Variants in SERPINC1 observed in about 807,000 individuals in gnomAD.
SERPINC1 encodes the protein serpin family C member 1, also known as antithrombin-III.
SERPINC1 carries 12 observed loss-of-function variants against 43.4 expected under a neutral mutation model. The ratio of observed to expected loss-of-function variants is 0.28; its 90% CI spans 0.18 to 0.45. The LOEUF is 0.45. Ranked by LOEUF, SERPINC1 falls within the 20% of genes least tolerant of loss-of-function variation. SERPINC1 has a pLI of 1.00. For synonymous variants in SERPINC1, 210 were observed against 218.9 expected (o/e 0.96, Z 0.36); for missense variants, 423 against 578.8 (o/e 0.73, Z 2.76).
At chr1:173,910,689 A>G (rs1419650398) in intron 4 of SERPINC1, 65 bp downstream of exon 4, 1 of 1,566,308 alleles carries the variant, frequency 6.4e-7, no homozygotes, top group African/African-American at 1.4e-5. Context: ...CCATTTAAAA[A>G]AAAAGGGGGT....
At position 173,914,484 on chromosome 1, in the gene SERPINC1, G is replaced by T. The variant is rs372136146; in HGVS notation, c.408+69C>A. On this transcript the variant is annotated intron_variant, in intron 2 of 6. Coordinates refer to ENST00000367698, the MANE Select transcript of SERPINC1 (RefSeq NM_000488.4). ...TGCAGTGTTGGTTGAGGAATCATTG[G>T]ACTTGGGCCTATGGAAGCCCCAAAG... 8.8e-6 allele frequency: 14 copies of T among 1,587,948 alleles called. No homozygotes were observed. The African/African-American group carries it at 1.3e-4, about 15-fold the overall frequency.
chr1:173,911,503 C>A (rs1246850968), intron 3 of SERPINC1, among the ~76,000 whole-genome samples: 1 of 152,190 alleles, frequency 6.6e-6, no homozygotes, highest in Non-Finnish European at 1.5e-5. Flanking sequence ...AGTAAGATAT[C>A]TTGTAGAACT....
intron 6 of SERPINC1, among the ~76,000 whole-genome samples, chr1:173,905,636 G>A (rs889503603): frequency 1.3e-5 from 2 of 151,940 alleles, no homozygotes; most frequent in Non-Finnish European, 1.5e-5. Flanking sequence ...CGAGAGGATC[G>A]CTTGAACCCA....
chr1:173,912,694 G>T (rs1006390100), intron 2 of SERPINC1, among the ~76,000 whole-genome samples: 14 of 151,998 alleles, frequency 9.2e-5, no homozygotes, highest in Non-Finnish European at 1.9e-4. Context: ...CTTTTTTTAG[G>T]GGGGGATTAT....
At chr1:173,911,623 C>T (rs1167463866) in intron 3 of SERPINC1, among the ~76,000 whole-genome samples, 176 bp downstream of exon 3, 1 of 152,144 alleles carries the variant, frequency 6.6e-6, no homozygotes, top group Non-Finnish European at 1.5e-5. Flanking sequence ...GCATGGATAC[C>T]TTTGATTTCT....
chr1:173,911,709 C>T, intron 3 of SERPINC1, 90 bp downstream of exon 3: 2 of 1,023,006 alleles, frequency 2.0e-6, no homozygotes, highest in Non-Finnish European at 3.1e-6. Flanking sequence ...AGCAGCAAAG[C>T]AGTGTGAATT....
At chr1:173,912,158 C>T in intron 2 of SERPINC1, 144 bp from the exon 3 acceptor site, 1 of 709,340 alleles carries the variant, frequency 1.4e-6, no homozygotes, top group Non-Finnish European at 2.6e-6. Flanking sequence ...AGCATAAATG[C>T]TCAACTCTTG....
Position 173,909,554 on chromosome 1 carries a change from G to A in SERPINC1, c.1151C>T (p.Pro384Leu), listed in dbSNP as rs770381981. Residue 384 changes from proline (P) to leucine (L), a missense_variant and splice_region_variant, in exon 5 of 7, where the codon CCA (proline) becomes CTA (leucine). Coordinates refer to ENST00000367698, the MANE Select transcript of SERPINC1 (RefSeq NM_000488.4). ...DLFSPEKSKL[P>L]GIVAEGRDDL... ...AGGAAACTCCTTCCTAGACAAACCT[G>A]GGAGTTTGGACTTTTCAGGGCTGAA... 1 of 1,613,730 alleles carries A rather than the reference G, an allele frequency of 6.2e-7. No individual in the cohort carries two copies. Among genetic ancestry groups the A allele is most frequent in the Non-Finnish European group, 8.5e-7 (1 of 1,180,028 alleles).
Position 173,917,246 on chromosome 1 carries a change from A to G in SERPINC1, c.14T>C (p.Val5Ala), listed in dbSNP as rs748072934. 4 of 1,614,072 alleles carry G rather than the reference A, an allele frequency of 2.5e-6. No homozygotes were observed. The South Asian group carries it at 4.4e-5, about 18-fold the overall frequency. ...TTTTCCAGAGGTTACAGTTCCTATC[A>G]CATTGGAATACATGGCCGCTAATCT... is the stretch of plus-strand genomic sequence containing the variant. MYSN[V>A]IGTVTSGKRK... Residue 5 changes from valine to alanine, a missense_variant, in exon 1 of 7, where the codon GTG becomes GCG. By Grantham distance (64) the Val-to-Ala change is moderately conservative. Coordinates refer to ENST00000367698, the MANE Select transcript of SERPINC1 (RefSeq NM_000488.4).
intron 3 of SERPINC1, 62 bp downstream of exon 3, chr1:173,911,737 C>T: frequency 7.5e-7 from 1 of 1,331,730 alleles, no homozygotes; most frequent in Non-Finnish European, 1.1e-6. Flanking sequence ...TGTTTCTCCA[C>T]CTCCTCAATC....
At chr1:173,910,645 G>T in intron 4 of SERPINC1, 109 bp downstream of exon 4, 1 of 950,164 alleles carries the variant, frequency 1.1e-6, no homozygotes, top group Non-Finnish European at 1.7e-6. Flanking sequence ...GTAGCTTTCG[G>T]CAGTCCATTT....
chr1:173,915,910 G>A lies in SERPINC1; in HGVS notation c.42-991C>T, dbSNP rs546276607. On this transcript the variant is annotated intron_variant, in intron 1 of 6. Transcript: ENST00000367698. Reference sequence around the variant, plus strand: ...CCTGTGAGTGGGCTCAGTGAATCCCGTACAGAAACCTGAGAATCACCCTGG... The same window carrying A: ...CCTGTGAGTGGGCTCAGTGAATCCCATACAGAAACCTGAGAATCACCCTGG... 6.2e-4 allele frequency among the ~76,000 whole-genome samples: 95 copies of A among 152,054 alleles called. 1 individual carries two copies. The highest frequency in any genetic ancestry group is 9.0e-4 in the Non-Finnish European group (61 of 68,010).
chr1:173,910,986 G>A, intron 3 of SERPINC1, 95 bp from the exon 4 acceptor site: 1 of 1,394,140 alleles, frequency 7.2e-7, no homozygotes, highest in Non-Finnish European at 1.0e-6. Flanking sequence ...CCATCCCTCT[G>A]TCCTTTCCCA....
rs201411353 is a variant in SERPINC1, at chr1:173,904,060, A to G, written c.1224T>C (p.Asn408=). The change falls in exon 7 of 7, where the codon AAT becomes AAC. Residue 408 remains asparagine (N), a synonymous_variant. Transcript: ENST00000367698. ...DAFHKAFLEV[N]EEGSEAAAST... ...TTGCAGCTGCTTCACTGCCTTCTTC[A>G]TTTACCTGCAGGTCACATGGGAAAT... The G allele has an allele frequency of 1.9e-6, 3 of 1,614,140 alleles. No individual in the cohort carries two copies. In the East Asian group the frequency reaches 6.7e-5, roughly 36 times the overall value.
chr1:173,907,056 T>G (rs906793396), intron 6 of SERPINC1, among the ~76,000 whole-genome samples: 2 of 151,676 alleles, frequency 1.3e-5, no homozygotes, highest in East Asian at 3.9e-4. Flanking sequence ...AGGCAGAAGT[T>G]GTAGTGAGCT....
chr1:173,914,772 A>C lies in SERPINC1; in HGVS notation c.189T>G (p.Thr63=). 2.5e-6 allele frequency: 4 copies of C among 1,614,148 alleles called. No individual in the cohort carries two copies. Among genetic ancestry groups the C allele is most frequent in the Non-Finnish European group, 3.4e-6 (4 of 1,179,982 alleles). Reference sequence around the variant, plus strand: ...TCTTCTGTTCTGAGCCCTCATCCTCAGTTGCCTTCTTCTCCGGGGAGCGGT... The same window carrying C: ...TCTTCTGTTCTGAGCCCTCATCCTCCGTTGCCTTCTTCTCCGGGGAGCGGT... The part of the protein sequence containing the change: ...CIYRSPEKKA[T]EDEGSEQKIP... The change falls in exon 2 of 7, where the codon ACT becomes ACG. Residue 63 remains threonine (T), a synonymous_variant. Transcript: ENST00000367698.
chr1:173,908,019 AT>A (rs1396324551), intron 5 of SERPINC1, among the ~76,000 whole-genome samples: 26 of 129,662 alleles, frequency 2.0e-4, no homozygotes, highest in African/African-American at 7.4e-4. Context: ...AATAATAATA[AT>A]AATAATAAAA....
At chr1:173,912,093 T>C in intron 2 of SERPINC1, 79 bp from the exon 3 acceptor site, 1 of 997,610 alleles carries the variant, frequency 1.0e-6, no homozygotes, top group Non-Finnish European at 1.6e-6. Flanking sequence ...TGCTGGTCAG[T>C]CTCTGACTAA....
At position 173,910,790 on chromosome 1, in the gene SERPINC1, G is replaced by A; in HGVS notation, c.726C>T (p.Leu242=). The change falls in exon 4 of 7, where the codon CTC becomes CTT. Residue 242 remains leucine (L), a synonymous_variant. Transcript: ENST00000367698. ...TGGTGTTAACCAGCACCAGAACAGT[G>A]AGCTCATTGATGGCTTCCGAGGGAA... The part of the protein sequence containing the change: ...DVIPSEAINE[L]TVLVLVNTIY... 6.2e-7 allele frequency: 1 copy of A among 1,614,128 alleles called. No individual in the cohort carries two copies. Among genetic ancestry groups the A allele is most frequent in the Non-Finnish European group, 8.5e-7 (1 of 1,180,006 alleles).
Sources: allele counts gnomAD v4.1 joint callset (sites outside exome capture counted in the v4.1 genomes callset), GRCh38; gene constraint gnomAD v4.1.1; transcripts MANE v1.5; gene names NCBI Gene and HGNC (gene_info 2026-07-23, HGNC 2026-07-21).